The following DMD variants were observed in gnomAD, a reference collection of about 807,000 sequenced individuals.
The protein encoded by DMD is dystrophin.
A neutral mutation model predicts 330.1 loss-of-function variants in DMD; 63 were observed. The ratio of observed to expected loss-of-function variants is 0.19; its 90% CI spans 0.16 to 0.24. The LOEUF (loss-of-function observed/expected upper bound fraction) is 0.24, where lower values mean the gene tolerates loss of function less well. DMD is among the 10% of genes least tolerant of loss of function. The probability of loss-of-function intolerance (pLI) is 1.00; values close to 1 mark genes in which losing one functional copy is unlikely to be tolerated. For missense variants in DMD, 3,344 were observed against 2,684.1 expected, an observed-to-expected ratio of 1.25 and a Z score of -5.43; for synonymous variants, 1,223 against 959.8, an observed-to-expected ratio of 1.27 and a Z score of -5.07.
chrX:31,222,404 A>AC (rs1479237751), intron 64 of DMD, among the ~76,000 whole-genome samples: 11 of 105,898 alleles, frequency 1.0e-4, no homozygotes, highest in African/African-American at 3.8e-4. Context: ...AAAAAAAAAA[A>AC]AAAAAAAAAA....
chrX:31,613,681 G>A (rs1182707008), intron 55 of DMD, among the ~76,000 whole-genome samples: 1 of 111,200 alleles, frequency 9.0e-6, no homozygotes, highest in East Asian at 2.8e-4. Flanking sequence ...GATGACTAAA[G>A]GACTTTGTAC....
At chrX:32,561,286 G>C (rs999419024) in intron 16 of DMD, among the ~76,000 whole-genome samples, 3 of 110,879 alleles carry the variant, frequency 2.7e-5, no homozygotes, top group African/African-American at 9.8e-5. Flanking sequence ...CGGATAACCA[G>C]AATAACCAGT....
rs765986138 is a variant in DMD, at chrX:32,697,874, G to A, written c.956C>T (p.Ser319Leu). 1.1e-5 allele frequency: 13 copies of A among 1,210,672 alleles called. No homozygotes were observed. Among genetic ancestry groups the A allele is most frequent in the South Asian group, 7.0e-5 (4 of 56,844 alleles). Residue 319 changes from serine (S) to leucine (L), a missense_variant, in exon 9 of 79, where the codon TCA becomes TTA. By Grantham distance (145) the Ser-to-Leu change is moderately radical (BLOSUM62 -2). Transcript: ENST00000357033. ...AGAGAGTAAATGTTGACAGACCTGTGAAGGAAATGGGCTCCGTGTAGGGTC... is the reference window on the plus strand; with the variant it reads ...AGAGAGTAAATGTTGACAGACCTGTAAAGGAAATGGGCTCCGTGTAGGGTC... ...TSDPTRSPFP[S>L]QHLEAPEDKS...
chrX:32,334,385 G>A (rs907835110), intron 41 of DMD, among the ~76,000 whole-genome samples: 4 of 111,837 alleles, frequency 3.6e-5, no homozygotes, highest in African/African-American at 1.3e-4. Context: ...TGCACTGGCA[G>A]CTGACAATCT....
At chrX:32,327,304 T>C (rs1323512629) in intron 41 of DMD, among the ~76,000 whole-genome samples, 1 of 110,931 alleles carries the variant, frequency 9.0e-6, no homozygotes, top group Non-Finnish European at 1.9e-5. Flanking sequence ...TAATGAAATA[T>C]AAGTAAGCTT....
intron 16 of DMD, among the ~76,000 whole-genome samples, chrX:32,552,453 C>G (rs1007049702): frequency 2.7e-5 from 3 of 111,480 alleles, no homozygotes; most frequent in African/African-American, 6.5e-5. Context: ...AATCTAAAAC[C>G]AACAACTATA....
chrX:31,740,423 T>C, intron 51 of DMD, among the ~76,000 whole-genome samples: 1 of 112,036 alleles, frequency 8.9e-6, no homozygotes, highest in African/African-American at 3.2e-5. Flanking sequence ...CCTACACACA[T>C]TTTAGAAGAA....
intron 42 of DMD, among the ~76,000 whole-genome samples, chrX:32,294,264 G>A (rs1422740484): frequency 1.8e-5 from 2 of 112,262 alleles, no homozygotes; most frequent in Non-Finnish European, 3.8e-5. Flanking sequence ...AATTCACATT[G>A]GGCAACCAAT....
At chrX:32,096,961 TTGAA>T (rs1332202824) in intron 44 of DMD, among the ~76,000 whole-genome samples, 1 of 111,872 alleles carries the variant, frequency 8.9e-6, no homozygotes, top group East Asian at 2.8e-4. Flanking sequence ...AAAATAGAGT[TTGAA>T]TGGCTTCAAT....
chrX:32,044,445 G>A (rs995441093), intron 44 of DMD, among the ~76,000 whole-genome samples: 1 of 105,965 alleles, frequency 9.4e-6, no homozygotes, highest in African/African-American at 3.4e-5. Context: ...TTTTTGAGAT[G>A]AAGTCTCGCT....
At chrX:31,447,735 A>C (rs2065389921) in intron 59 of DMD, among the ~76,000 whole-genome samples, 1 of 111,172 alleles carries the variant, frequency 9.0e-6, no homozygotes, top group Non-Finnish European at 1.9e-5. Flanking sequence ...GGGGTGGCTC[A>C]AGACTGTAAT....
chrX:32,044,682 A>C (rs1037498465), intron 44 of DMD, among the ~76,000 whole-genome samples: 124 of 111,534 alleles, frequency 1.1e-3, no homozygotes, highest in Non-Finnish European at 1.0e-3. Context: ...TTGGCCTCCC[A>C]AAGTGCTGGG....
At chrX:32,917,946 AG>A (rs1408644839) in intron 2 of DMD, among the ~76,000 whole-genome samples, 2 of 108,153 alleles carry the variant, frequency 1.8e-5, no homozygotes, top group African/African-American at 6.8e-5. Flanking sequence ...TATCATCACT[AG>A]ACCACAGATA....
At chrX:31,980,257 C>T (rs1226010854) in intron 44 of DMD, among the ~76,000 whole-genome samples, 1 of 111,674 alleles carries the variant, frequency 9.0e-6, no homozygotes, top group Non-Finnish European at 1.9e-5. Flanking sequence ...TCCACAGCAT[C>T]TTATTCATAA....
intron 7 of DMD, among the ~76,000 whole-genome samples, chrX:32,737,965 G>A (rs1481441149): frequency 9.0e-6 from 1 of 111,598 alleles, no homozygotes; most frequent in Non-Finnish European, 1.9e-5. Flanking sequence ...GAAAATTAAA[G>A]CATTACTAGG....
chrX:33,118,374 T>G (rs943559185), intron 1 of DMD, among the ~76,000 whole-genome samples: 3 of 110,940 alleles, frequency 2.7e-5, no homozygotes, highest in African/African-American at 9.8e-5. Flanking sequence ...CCTCCCAAAG[T>G]GCTGGGATTA....
At chrX:32,940,765 C>T (rs1285678376) in intron 2 of DMD, among the ~76,000 whole-genome samples, 1 of 111,360 alleles carries the variant, frequency 9.0e-6, no homozygotes, top group Non-Finnish European at 1.9e-5. Flanking sequence ...TGACTAAATC[C>T]TCAAAAGCAA....
chrX:32,649,292 G>C (rs1374620934), intron 9 of DMD, among the ~76,000 whole-genome samples: 2 of 110,038 alleles, frequency 1.8e-5, no homozygotes, highest in Non-Finnish European at 3.8e-5. Context: ...CGGTGGCTCA[G>C]ACCTGTAATC....
chrX:33,008,500 A>G (rs1386536777), intron 2 of DMD, among the ~76,000 whole-genome samples: 1 of 110,753 alleles, frequency 9.0e-6, no homozygotes, highest in Non-Finnish European at 1.9e-5. Context: ...CTGCTGAAGC[A>G]AAGTAAAGCA....
Sources: allele counts gnomAD v4.1 joint callset (sites outside exome capture counted in the v4.1 genomes callset), GRCh38; gene constraint gnomAD v4.1.1; transcripts MANE v1.5; gene names NCBI Gene and HGNC (gene_info 2026-07-23, HGNC 2026-07-21).